The following ERN1 variants were observed in gnomAD, a reference collection of about 807,000 sequenced individuals.
The protein encoded by ERN1 is endoplasmic reticulum to nucleus signaling 1.
In ERN1, 39 loss-of-function variants were observed where a neutral mutation model predicts 113.1. That is an observed-to-expected ratio of 0.34 (90% confidence interval 0.27 to 0.45). ERN1 has a LOEUF of 0.45. Among genes scored for constraint, ERN1 ranks in the 20% least tolerant of loss-of-function variants. The pLI, the probability that ERN1 is intolerant of heterozygous loss-of-function variation, is 1.00. For synonymous variants in ERN1, 507 were observed against 515.9 expected, an observed-to-expected ratio of 0.98 and a Z score of 0.23; for missense variants, 976 against 1,274.8, an observed-to-expected ratio of 0.77 and a Z score of 3.57.
At chr17:64,069,894 T>C (rs559184748) in intron 6 of ERN1, among the ~76,000 whole-genome samples, 26 of 152,018 alleles carry the variant, frequency 1.7e-4, no homozygotes, top group Middle Eastern at 6.8e-3. Context: ...AGTGGGAGGG[T>C]TGTAAACTAC....
At chr17:64,083,194 C>T (rs1265973111) in intron 2 of ERN1, among the ~76,000 whole-genome samples, 3 of 151,870 alleles carry the variant, frequency 2.0e-5, no homozygotes, top group African/African-American at 7.3e-5. Context: ...AGATGAGACA[C>T]GGGAACACTG....
At chr17:64,116,143 T>C (rs542367114) in intron 1 of ERN1, among the ~76,000 whole-genome samples, 1 of 152,208 alleles carries the variant, frequency 6.6e-6, no homozygotes, top group South Asian at 2.1e-4. Context: ...TAATGTTACA[T>C]GGGACCAGGT....
At chr17:64,118,576 T>C (rs1207013538) in intron 1 of ERN1, among the ~76,000 whole-genome samples, 3 of 152,196 alleles carry the variant, frequency 2.0e-5, no homozygotes, top group African/African-American at 2.4e-5. Context: ...GGCTCCCAAT[T>C]CTACTGACAT....
chr17:64,123,506 AAAAG>A (rs1305092017), intron 1 of ERN1, among the ~76,000 whole-genome samples: 2 of 152,226 alleles, frequency 1.3e-5, no homozygotes, highest in Admixed American at 6.5e-5. Flanking sequence ...CTACGCTCCT[AAAAG>A]AAAGTGGCCA....
chr17:64,055,692 A>G lies in ERN1; in HGVS notation c.1655T>C (p.Leu552Pro). ...SASKAGSSPS[L>P]EQDDGDEETS... ...GGCTTTACCTCCATCGTCTTGTTCCAGGGAGGGGCTGCTGCCAGCCTTGGA... is the reference window on the plus strand; with the variant it reads ...GGCTTTACCTCCATCGTCTTGTTCCGGGGAGGGGCTGCTGCCAGCCTTGGA... Residue 552 changes from leucine to proline, a missense_variant, in exon 13 of 22, where the codon CTG becomes CCG. By Grantham distance (98) the Leu-to-Pro change is moderately conservative. This residue lies in a region of ERN1 where 112 missense variants were observed against 106.2 expected (regional missense o/e 1.05). Coordinates refer to ENST00000433197, the MANE Select transcript of ERN1 (RefSeq NM_001433.5). 6.3e-7 allele frequency: 1 copy of G among 1,597,692 alleles called. No individual in the cohort carries two copies. Among genetic ancestry groups the G allele is most frequent in the Non-Finnish European group, 8.5e-7 (1 of 1,171,900 alleles).
At chr17:64,076,568 C>T (rs1265444401) in intron 4 of ERN1, among the ~76,000 whole-genome samples, 2 of 151,680 alleles carry the variant, frequency 1.3e-5, no homozygotes, top group African/African-American at 4.8e-5. Flanking sequence ...AACCACAACC[C>T]AGAAAGGAGC....
At chr17:64,053,946 CTTTTT>C (rs1450726852) in intron 15 of ERN1, 5 of 285,722 alleles carry the variant, frequency 1.7e-5, no homozygotes, top group Admixed American at 9.5e-5. Context: ...TTCACTGTAA[CTTTTT>C]TTTAATTTGA....
chr17:64,068,302 C>T lies in ERN1; in HGVS notation c.479-11G>A, dbSNP rs1913302201. 6.3e-7 allele frequency: 1 copy of T among 1,596,820 alleles called. No individual in the cohort carries two copies. The highest frequency in any genetic ancestry group is 8.6e-7 in the Non-Finnish European group (1 of 1,168,210). ...TGGTGATGGTGTATTCTAAAGAACA[C>T]AGACCAGCCAGCCCATTACCACGGA... is the stretch of plus-strand genomic sequence containing the variant. On this transcript the variant is annotated splice_polypyrimidine_tract_variant and intron_variant, in intron 6 of 21. Transcript: ENST00000433197.
intron 2 of ERN1, among the ~76,000 whole-genome samples, chr17:64,088,398 C>T (rs1468003798): frequency 6.6e-6 from 1 of 152,158 alleles, no homozygotes; most frequent in East Asian, 1.9e-4. Flanking sequence ...CTAAGTGTAA[C>T]CCTAGCAGTG....
chr17:64,129,669 G>A (rs1915181003), intron 1 of ERN1: 2 of 372,518 alleles, frequency 5.4e-6, no homozygotes, highest in African/African-American at 2.1e-5. Context: ...TGCCGTGCAG[G>A]ACGCCACGAA....
intron 1 of ERN1, among the ~76,000 whole-genome samples, chr17:64,126,488 G>A (rs373977018): frequency 3.3e-5 from 5 of 151,872 alleles, no homozygotes; most frequent in Admixed American, 1.3e-4. Context: ...ACTTTAATGC[G>A]GCTCACTAGA....
At chr17:64,108,074 A>G (rs991022195) in intron 1 of ERN1, among the ~76,000 whole-genome samples, 5 of 152,148 alleles carry the variant, frequency 3.3e-5, no homozygotes, top group African/African-American at 4.8e-5. Context: ...GTGGTTTCCA[A>G]ACTAAGCAGC....
Position 64,053,346 on chromosome 17 carries a change from T to C in ERN1, c.1979A>G (p.His660Arg), listed in dbSNP as rs1327451450. 3 of 1,611,274 alleles carry C rather than the reference T, an allele frequency of 1.9e-6. No homozygotes were observed. The highest frequency in any genetic ancestry group is 1.7e-5 in the Admixed American group (1 of 59,720). Residue 660 changes from histidine (H) to arginine (R), a missense_variant, in exon 16 of 22, where the codon CAT becomes CGT. His to Arg is a conservative substitution (Grantham distance 29). Around this residue, in one of 5 missense-constraint regions of ERN1, gnomAD observed 297 missense variants for 457.8 expected, o/e 0.65. Coordinates refer to ENST00000433197, the MANE Select transcript of ERN1 (RefSeq NM_001433.5). The part of the protein sequence containing the change: ...QEYVEQKDFA[H>R]LGLEPITLLQ... ...CAAGGTGATGGGCTCCAGGCCGAGA[T>C]GCGCAAAGTCCTTCTGCTCCACATA...
intron 1 of ERN1, among the ~76,000 whole-genome samples, chr17:64,119,376 G>GTTGTTTTTTTTTTTTTTTTTTTT (rs777806993): frequency 3.9e-5 from 3 of 77,910 alleles, no homozygotes; most frequent in African/African-American, 1.7e-4. Context: ...TTTTTTCTAG[G>GTTGTTTTTTTTTTTTTTTTTTTT]TTTTTTTTTT....
At chr17:64,096,389 C>T (rs773077103) in intron 2 of ERN1, among the ~76,000 whole-genome samples, 59 of 152,190 alleles carry the variant, frequency 3.9e-4, no homozygotes, top group East Asian at 9.6e-4. Context: ...TTTCCCATCA[C>T]GCCCAGATGG....
intron 1 of ERN1, among the ~76,000 whole-genome samples, chr17:64,126,414 G>A (rs776070441): frequency 6.6e-6 from 1 of 152,020 alleles, no homozygotes; most frequent in Non-Finnish European, 1.5e-5. Context: ...CCAAATCTGG[G>A]GCAGGCAAAT....
At chr17:64,072,545 A>G (rs1017734063) in intron 5 of ERN1, among the ~76,000 whole-genome samples, 3 of 152,250 alleles carry the variant, frequency 2.0e-5, no homozygotes, top group African/African-American at 7.2e-5. Flanking sequence ...ACCAGCCACC[A>G]TGTGAGAAGG....
chr17:64,129,821 G>T, intron 1 of ERN1, 155 bp downstream of exon 1: 1 of 631,368 alleles, frequency 1.6e-6, no homozygotes, highest in Non-Finnish European at 2.3e-6. Context: ...CGCCTCCTAC[G>T]CCCGGCCCGA....
chr17:64,124,617 T>C (rs1378363644), intron 1 of ERN1, among the ~76,000 whole-genome samples: 2 of 152,222 alleles, frequency 1.3e-5, no homozygotes, highest in Admixed American at 1.3e-4. Context: ...CCTTACCTTT[T>C]TTCATGATTG....
Sources: allele counts gnomAD v4.1 joint callset (sites outside exome capture counted in the v4.1 genomes callset), GRCh38; gene constraint gnomAD v4.1.1; regional missense constraint gnomAD v4.1.1; transcripts MANE v1.5; gene names NCBI Gene and HGNC (gene_info 2026-07-23, HGNC 2026-07-21).